The following PRKCD variants were observed in gnomAD, a reference collection of about 807,000 sequenced individuals.
PRKCD encodes the protein protein kinase C delta type.
Under a neutral mutation model 82.2 loss-of-function variants are expected in PRKCD, and 20 were observed. The ratio of observed to expected loss-of-function variants is 0.24; its 90% CI spans 0.17 to 0.35. The LOEUF is 0.35. Among genes scored for constraint, PRKCD ranks in the 10% least tolerant of loss-of-function variants. The probability of loss-of-function intolerance (pLI) is 1.00; values close to 1 mark genes in which losing one functional copy is unlikely to be tolerated. For missense variants in PRKCD, 607 were observed against 899.0 expected (o/e 0.68, Z 4.15); for synonymous variants, 317 against 337.0 (o/e 0.94, Z 0.65).
intron 2 of PRKCD, among the ~76,000 whole-genome samples, chr3:53,171,353 G>A (rs574314658): frequency 1.7e-3 from 266 of 152,296 alleles, no homozygotes; most frequent in African/African-American, 5.4e-3. Flanking sequence ...GATGTGAGCC[G>A]ATGACAGCCA....
intron 2 of PRKCD, among the ~76,000 whole-genome samples, chr3:53,173,947 C>G (rs1703130691): frequency 6.6e-6 from 1 of 152,220 alleles, no homozygotes; most frequent in Admixed American, 6.5e-5. Flanking sequence ...TTCCGTCCAT[C>G]TCTACCCTTT....
At chr3:53,174,727 C>G (rs1389215776) in intron 2 of PRKCD, among the ~76,000 whole-genome samples, 2 of 152,126 alleles carry the variant, frequency 1.3e-5, no homozygotes, top group Non-Finnish European at 2.9e-5. Context: ...CTGGCCAGAG[C>G]CCATGCCCTG....
intron 2 of PRKCD, among the ~76,000 whole-genome samples, chr3:53,177,926 A>G (rs59254509): frequency 0.09 from 13,304 of 147,754 alleles, 1,112 homozygotes; most frequent in African/African-American, 0.23. Context: ...AAACCTCTCA[A>G]TATTTTTCTT....
At chr3:53,170,882 T>G (rs1167432695) in intron 2 of PRKCD, among the ~76,000 whole-genome samples, 1 of 152,064 alleles carries the variant, frequency 6.6e-6, no homozygotes, top group Non-Finnish European at 1.5e-5. Context: ...GGGTGTGGTC[T>G]GTGTGGGCCC....
rs1054705156 is a variant in PRKCD, at chr3:53,178,376, G to A, written c.-19-28G>A. On this transcript the variant is annotated intron_variant, in intron 2 of 18. Coordinates refer to ENST00000330452, the MANE Select transcript of PRKCD (RefSeq NM_006254.4). ...CTGTTCCCGCTGGTCCCGCCCGGCC[G>A]CCTGGCCTCACCCCTCTGTGTGCAC... 5.9e-6 allele frequency: 9 copies of A among 1,533,458 alleles called. No individual in the cohort carries two copies. In the East Asian group the frequency reaches 6.8e-5, roughly 12 times the overall value. 95.0% of individuals were successfully genotyped at this position (1,533,458 alleles called of 1,614,324 possible).
chr3:53,191,287 A>T (rs1021642488), intron 18 of PRKCD, among the ~76,000 whole-genome samples: 3 of 152,150 alleles, frequency 2.0e-5, no homozygotes, highest in Admixed American at 6.5e-5. Flanking sequence ...GCACACCTGT[A>T]ATCCCAGCTA....
chr3:53,162,435 C>T (rs1232582172), intron 1 of PRKCD, among the ~76,000 whole-genome samples: 1 of 152,184 alleles, frequency 6.6e-6, no homozygotes, highest in Non-Finnish European at 1.5e-5. Context: ...GGGGGGTCCC[C>T]TTCTCTGACG....
At chr3:53,187,519 AT>A in intron 15 of PRKCD, 117 bp downstream of exon 15, 1 of 1,207,982 alleles carries the variant, frequency 8.3e-7, no homozygotes, top group East Asian at 2.4e-5. Context: ...CTGGAAATCA[AT>A]CTTTAGCTGG....
chr3:53,187,536 T>A, intron 15 of PRKCD, 134 bp downstream of exon 15: 1 of 1,020,470 alleles, frequency 9.8e-7, no homozygotes, highest in Non-Finnish European at 1.4e-6. Flanking sequence ...GCTGGGTATT[T>A]GCCTATGCCT....
Position 53,186,460 on chromosome 3 carries a change from C to A in PRKCD, c.1260+120C>A, listed in dbSNP as rs905231458. 67 of 1,396,774 alleles carry A rather than the reference C, an allele frequency of 4.8e-5. No individual in the cohort carries two copies. In the African/African-American group the frequency reaches 9.1e-4, roughly 19 times the overall value. The allele number at this position is 1,396,774 out of a possible 1,614,324, so 86.5% of individuals were successfully genotyped here. A position where few individuals can be genotyped will look rare whatever the true frequency, so the allele number is the denominator to read the frequency against. Reference sequence around the variant, plus strand: ...CACTTAAGGCAGGGCCATGCTTTCCCCCCTCATGCCTCCCAGGGCAGAGTC... The same window carrying A: ...CACTTAAGGCAGGGCCATGCTTTCCACCCTCATGCCTCCCAGGGCAGAGTC... On this transcript the variant is annotated intron_variant, in intron 13 of 18. Transcript: ENST00000330452.
chr3:53,191,596 A>C (rs1489245174), intron 18 of PRKCD, among the ~76,000 whole-genome samples: 7 of 152,216 alleles, frequency 4.6e-5, no homozygotes, highest in African/African-American at 1.7e-4. Context: ...TCCTGTAAAC[A>C]GCCTGATAGT....
At chr3:53,181,949 G>A in intron 7 of PRKCD, 1 of 743,440 alleles carries the variant, frequency 1.3e-6, no homozygotes, top group Non-Finnish European at 2.4e-6. Flanking sequence ...TCCGCATTCA[G>A]TGACGGGGAG....
intron 13 of PRKCD, 66 bp from the exon 14 acceptor site, chr3:53,186,538 A>C (rs1575542141): frequency 6.8e-7 from 1 of 1,472,562 alleles, no homozygotes. Context: ...GCTTGGCCCC[A>C]GTGGCCCTCA....
rs1345889720 is a variant in PRKCD at position 53,169,545 on chromosome 3, C to T, written c.-20+4330C>T. 2.0e-5 allele frequency among the ~76,000 whole-genome samples: 3 copies of T among 152,136 alleles called. No individual in the cohort carries two copies. The highest frequency in any genetic ancestry group is 4.8e-5 in the African/African-American group (2 of 41,428). ...GGGTAAACAGGCAGAGCAGAGCAGG[C>T]AGTCGCCAAGGCCTGAGGCTAGATC... On this transcript the variant is annotated intron_variant, in intron 2 of 18. Transcript: ENST00000330452. This position sits in a 1 kb window ranked among gnomAD's most constrained non-coding sequence, Gnocchi z 4.7.
rs956218442 is a variant in PRKCD, at chr3:53,178,642, C to T, written c.115+105C>T. 18 of 941,730 alleles carry T rather than the reference C, an allele frequency of 1.9e-5. No homozygotes were observed. In the African/African-American group the frequency reaches 2.7e-4, roughly 14 times the overall value. The allele number at this position is 941,730 out of a possible 1,614,324, so 58.3% of individuals were successfully genotyped here. A position where few individuals can be genotyped will look rare whatever the true frequency, so the allele number is the denominator to read the frequency against. ...TCCCTGCAACCTCTGAAGGATTCTGCTCTTCCTCATCCTTGACTCCCTGCC... is the reference window on the plus strand; with the variant it reads ...TCCCTGCAACCTCTGAAGGATTCTGTTCTTCCTCATCCTTGACTCCCTGCC... On this transcript the variant is annotated intron_variant, in intron 3 of 18. Coordinates refer to ENST00000330452, the MANE Select transcript of PRKCD (RefSeq NM_006254.4).
In PRKCD at chr3:53,188,751, C is replaced by T. The variant is rs35891605; in HGVS notation, c.1447C>T (p.Arg483Trp). ...CAAACTGGACAATGTGCTGCTGGAC[C>T]GGGATGGCCACATCAAGATTGCCGA... ...DLKLDNVLLD[R>W]DGHIKIADFG... Residue 483 changes from arginine (R) to tryptophan (W), a missense_variant, in exon 16 of 19, where the codon CGG becomes TGG. By Grantham distance (101) the Arg-to-Trp change is moderately radical (BLOSUM62 -3). Coordinates refer to ENST00000330452, the MANE Select transcript of PRKCD (RefSeq NM_006254.4). 7.9e-4 allele frequency: 1,269 copies of T among 1,614,042 alleles called. No individual in the cohort carries two copies. The highest frequency in any genetic ancestry group is 9.0e-4 in the Non-Finnish European group (1,059 of 1,180,042).
intron 2 of PRKCD, among the ~76,000 whole-genome samples, chr3:53,175,282 C>T (rs904037297): frequency 3.9e-5 from 6 of 152,114 alleles, no homozygotes; most frequent in Non-Finnish European, 8.8e-5. Flanking sequence ...GGAATGGATG[C>T]GGTGGGGGAT....
chr3:53,181,288 G>A (rs546181332), intron 5 of PRKCD, 21 bp downstream of exon 5: 1 of 1,613,236 alleles, frequency 6.2e-7, no homozygotes, highest in East Asian at 2.2e-5. Context: ...CCTGGGGGTG[G>A]AGGGCTCCCT....
In PRKCD at chr3:53,192,637, C is replaced by CAA. The variant is rs72190282; in HGVS notation, c.*385_*386dup. On this transcript the variant is annotated 3_prime_UTR_variant, in exon 19 of 19. Transcript: ENST00000330452. ...CTTTTTCAAAAAAATATATATATGA[C>CAA]AAAAAAAAAAAAAAAGGAGCACAAG... 3,609 of 135,888 alleles carry CAA rather than the reference C, an allele frequency of 0.027. 102 individuals are homozygous for CAA. Among genetic ancestry groups the CAA allele is most frequent in the East Asian group, 0.055 (266 of 4,870 alleles). The allele number at this position is 135,888 out of a possible 1,614,324, so 8.4% of individuals were successfully genotyped here. A position where few individuals can be genotyped will look rare whatever the true frequency, so the allele number is the denominator to read the frequency against.
Sources: allele counts gnomAD v4.1 joint callset (sites outside exome capture counted in the v4.1 genomes callset), GRCh38; gene constraint gnomAD v4.1.1; non-coding constraint Gnocchi (gnomAD v3.1); transcripts MANE v1.5; gene names NCBI Gene and HGNC (gene_info 2026-07-23, HGNC 2026-07-21).